SYNE1: variants seen among roughly 807,000 people sequenced by gnomAD.
SYNE1 encodes the protein nesprin-1.
Under a neutral mutation model 1,111.0 loss-of-function variants are expected in SYNE1, and 616 were observed. That is an observed-to-expected ratio of 0.55 (90% CI 0.52 to 0.59). The LOEUF (loss-of-function observed/expected upper bound fraction) is 0.59, where lower values mean the gene tolerates loss of function less well. SYNE1 is among the 20% of genes least tolerant of loss of function. SYNE1 has a pLI of 0.00. For synonymous variants in SYNE1, 3,855 were observed against 3,825.8 expected, an observed-to-expected ratio of 1.01 and a Z score of -0.28; for missense variants, 10,006 against 10,417.0, an observed-to-expected ratio of 0.96 and a Z score of 1.72.
chr6:152,364,710 AAGGAAGGAAGGAAGGAAGGG>A (rs2097025666), intron 63 of SYNE1, 117 bp downstream of exon 63: 4 of 912,280 alleles, frequency 4.4e-6, no homozygotes, highest in African/African-American at 1.7e-5. Context: ...GGAAGGAAGG[AAGGAAGGAAGGAAGGAAGGG>A]AGGAAGGAAA....
intron 45 of SYNE1, 70 bp downstream of exon 45, chr6:152,406,944 C>CT (rs549447851): frequency 0.066 from 61,105 of 921,002 alleles, no homozygotes; most frequent in Non-Finnish European, 0.074. Context: ...TTAAGAAAGA[C>CT]TTTTTTTTTT....
At chr6:152,343,810 C>G (rs187400154) in intron 74 of SYNE1, among the ~76,000 whole-genome samples, 1 of 151,600 alleles carries the variant, frequency 6.6e-6, no homozygotes, top group African/African-American at 2.4e-5. Flanking sequence ...TCAAGTGATT[C>G]GCCCGTTTTG....
At chr6:152,181,649 C>G (rs2813509) in intron 128 of SYNE1, among the ~76,000 whole-genome samples, 2 of 152,110 alleles carry the variant, frequency 1.3e-5, no homozygotes, top group African/African-American at 4.8e-5. Context: ...ACTTCATTCC[C>G]TTTATTGCTG....
intron 3 of SYNE1, among the ~76,000 whole-genome samples, chr6:152,595,291 CA>C (rs2128563696): frequency 6.6e-6 from 1 of 152,340 alleles, no homozygotes; most frequent in East Asian, 1.9e-4. Flanking sequence ...ACTGATTTCT[CA>C]ACATCTCCAC....
At chr6:152,153,428 T>G (rs1039461586) in intron 133 of SYNE1, among the ~76,000 whole-genome samples, 21 of 152,204 alleles carry the variant, frequency 1.4e-4, no homozygotes, top group Admixed American at 1.4e-3. Flanking sequence ...TGCAATTCAT[T>G]TCTGTCTCTT....
chr6:152,521,050 T>C (rs987430762), intron 5 of SYNE1, among the ~76,000 whole-genome samples: 1 of 152,162 alleles, frequency 6.6e-6, no homozygotes, highest in Non-Finnish European at 1.5e-5. Context: ...CTAACTCCAG[T>C]CTAGTGTTTG....
intron 115 of SYNE1, among the ~76,000 whole-genome samples, chr6:152,227,796 C>T (rs1005664457): frequency 8.6e-5 from 13 of 151,854 alleles, no homozygotes; most frequent in African/African-American, 1.9e-4. Context: ...GCCCTGCACA[C>T]GTATGTTGGT....
At chr6:152,199,530 T>A (rs539207877) in intron 127 of SYNE1, among the ~76,000 whole-genome samples, 12 of 152,280 alleles carry the variant, frequency 7.9e-5, no homozygotes, top group South Asian at 6.2e-4. Context: ...GAAAAAAAAA[T>A]TCATATAGCA....
In SYNE1 at chr6:152,427,761, C is replaced by T. The variant is rs1554680800; in HGVS notation, c.5032G>A (p.Ala1678Thr). The change falls in exon 38 of 146, where the codon GCC (alanine) becomes ACC (threonine). Residue 1678 changes from alanine (A) to threonine (T), a missense_variant. Physicochemically the swap from Ala to Thr is moderately conservative, Grantham distance 58. Coordinates refer to ENST00000367255, the MANE Select transcript of SYNE1 (RefSeq NM_182961.4). Reference sequence around the variant, plus strand: ...GAAATGTCCATTTCTGGGGAACTGGCTTTAGCTTCACCCCGCTCTAACCAG... The same window carrying T: ...GAAATGTCCATTTCTGGGGAACTGGTTTTAGCTTCACCCCGCTCTAACCAG... ...LTWLERGEAKASSPEMDISAD... is the reference protein window; with the variant it reads ...LTWLERGEAKTSSPEMDISAD... 1.2e-6 allele frequency: 2 copies of T among 1,613,994 alleles called. No individual in the cohort carries two copies. Among genetic ancestry groups the T allele is most frequent in the Admixed American group, 3.3e-5 (2 of 59,996 alleles).
In SYNE1 at chr6:152,331,720, T is replaced by C. The variant is rs770133780; in HGVS notation, c.12965A>G (p.Glu4322Gly). The change falls in exon 78 of 146, where the codon GAG becomes GGG. Residue 4322 changes from glutamate to glycine, a missense_variant. Physicochemically the swap from Glu to Gly is moderately conservative, Grantham distance 98. Transcript: ENST00000367255. ...ELVKEQTSHLEQRWFQLEDLI... is the reference protein window; with the variant it reads ...ELVKEQTSHLGQRWFQLEDLI... ...GTCCTCAAGCTGAAACCAACGTTGC[T>C]CTAAATGACTCGTCTGTTCTTTGAC... 1 of 1,614,216 alleles carries C rather than the reference T, an allele frequency of 6.2e-7. No homozygotes were observed. Among genetic ancestry groups the C allele is most frequent in the Non-Finnish European group, 8.5e-7 (1 of 1,180,030 alleles).
intron 6 of SYNE1, among the ~76,000 whole-genome samples, chr6:152,514,571 C>T (rs2099101686): frequency 6.6e-6 from 1 of 151,594 alleles, no homozygotes; most frequent in African/African-American, 2.4e-5. Flanking sequence ...CATGTGTATA[C>T]CTATGTAGCA....
In SYNE1 at chr6:152,428,297, C is replaced by T. The variant is rs886042121; in HGVS notation, c.4884G>A (p.Glu1628=). ...CGTATTGCTGCTGTAGAGCCGCAGC[C>T]TCCTGAACACAGGAATCTCTGTTCA... ...KVVNRDSCVQ[E]AAALQQQYED... The change falls in exon 37 of 146, where the codon GAG becomes GAA. Residue 1628 remains glutamate (E), a synonymous_variant. Transcript: ENST00000367255. 5 of 1,614,146 alleles carry T rather than the reference C, an allele frequency of 3.1e-6. No individual in the cohort carries two copies. The highest frequency in any genetic ancestry group is 1.7e-5 in the Admixed American group (1 of 60,030).
chr6:152,420,088 G>T (rs1246591887), intron 39 of SYNE1, among the ~76,000 whole-genome samples: 1 of 152,154 alleles, frequency 6.6e-6, no homozygotes, highest in East Asian at 1.9e-4. Flanking sequence ...ATGTTCAATT[G>T]TTGTGTGCCA....
At chr6:152,179,174 A>G (rs1179783765) in intron 129 of SYNE1, among the ~76,000 whole-genome samples, 2 of 152,102 alleles carry the variant, frequency 1.3e-5, no homozygotes, top group Non-Finnish European at 2.9e-5. Context: ...CTCACTTCCC[A>G]AAGTGCTGGG....
intron 3 of SYNE1, among the ~76,000 whole-genome samples, chr6:152,627,132 T>C (rs1267636879): frequency 6.6e-6 from 1 of 152,178 alleles, no homozygotes; most frequent in Non-Finnish European, 1.5e-5. Context: ...AAACCATGCA[T>C]TTGAAGGCTG....
chr6:152,500,349 C>CT (rs1386061339), intron 10 of SYNE1, among the ~76,000 whole-genome samples: 1 of 152,184 alleles, frequency 6.6e-6, no homozygotes, highest in Non-Finnish European at 1.5e-5. Flanking sequence ...ATTTGTGGTG[C>CT]TTTTTAGAAA....
At chr6:152,552,429 A>C (rs1439346581) in intron 3 of SYNE1, among the ~76,000 whole-genome samples, 4 of 146,224 alleles carry the variant, frequency 2.7e-5, no homozygotes, top group African/African-American at 1.0e-4. Context: ...CTCTCATATA[A>C]ATACTTATAT....
chr6:152,637,214 G>C lies in SYNE1; in HGVS notation c.-417C>G, dbSNP rs1449570205. ...CTCCTGGAGATGCACGGCCTTGGGC[G>C]TTTCTCCGCAGCTGCAAAGCTGTGC... On this transcript the variant is annotated 5_prime_UTR_variant, in exon 1 of 146. Transcript: ENST00000367255. The C allele has an allele frequency of 6.6e-6, 1 of 152,286 alleles. No homozygotes were observed. Among genetic ancestry groups the C allele is most frequent in the African/African-American group, 2.4e-5 (1 of 41,462 alleles). The allele number at this position is 152,286 out of a possible 1,614,324, so 9.4% of individuals were successfully genotyped here.
chr6:152,304,767 A>G (rs981730342), intron 91 of SYNE1, among the ~76,000 whole-genome samples: 11 of 152,186 alleles, frequency 7.2e-5, no homozygotes, highest in African/African-American at 2.4e-4. Flanking sequence ...TTAAGCTGCA[A>G]TTCTCAACCT....
Sources: gnomAD v4.1 joint callset for allele counts (sites outside exome capture counted in the v4.1 genomes callset) on GRCh38, gnomAD v4.1.1 for gene constraint, MANE v1.5 for transcripts, NCBI Gene and HGNC (gene_info 2026-07-23, HGNC 2026-07-21) for gene names.